The following ADAM9 variants were observed in gnomAD, a reference collection of about 807,000 sequenced individuals.
ADAM9 encodes disintegrin and metalloproteinase domain-containing protein 9.
ADAM9 carries 54 observed loss-of-function variants against 108.1 expected under a neutral mutation model. That is an observed-to-expected ratio of 0.50 (90% CI 0.40 to 0.63). The LOEUF (loss-of-function observed/expected upper bound fraction) is 0.63, where lower values mean the gene tolerates loss of function less well. Among genes scored for constraint, ADAM9 ranks in the 20% least tolerant of loss-of-function variants. ADAM9 has a pLI of 0.00. For synonymous variants in ADAM9, 316 were observed against 336.0 expected (o/e 0.94, Z 0.65); for missense variants, 830 against 997.7 (o/e 0.83, Z 2.26).
At chr8:39,068,353 C>T (rs935023956) in intron 14 of ADAM9, among the ~76,000 whole-genome samples, 1 of 151,892 alleles carries the variant, frequency 6.6e-6, no homozygotes, top group Non-Finnish European at 1.5e-5. Context: ...TTGTGAAGAC[C>T]TTATCTATCT....
chr8:39,046,016 TC>T (rs1459566753), intron 12 of ADAM9, among the ~76,000 whole-genome samples: 4 of 152,112 alleles, frequency 2.6e-5, no homozygotes, highest in Admixed American at 2.6e-4. Flanking sequence ...TTGTATTTCT[TC>T]TTCTGAGGAA....
In ADAM9 at chr8:39,007,872, T is replaced by C; in HGVS notation, c.98-14T>C. ...CAGTTTCACTTATTATATTTGTTTTTGCCTTTTCTGTAGGCTTTCAACAGA... is the reference window on the plus strand; with the variant it reads ...CAGTTTCACTTATTATATTTGTTTTCGCCTTTTCTGTAGGCTTTCAACAGA... On this transcript the variant is annotated splice_polypyrimidine_tract_variant and intron_variant, in intron 1 of 21. Transcript: ENST00000487273. 6.4e-7 allele frequency: 1 copy of C among 1,568,426 alleles called. No homozygotes were observed. Among genetic ancestry groups the C allele is most frequent in the Non-Finnish European group, 8.8e-7 (1 of 1,140,410 alleles).
chr8:39,024,829 C>T (rs551757896), intron 9 of ADAM9, among the ~76,000 whole-genome samples: 9 of 152,016 alleles, frequency 5.9e-5, no homozygotes, highest in East Asian at 1.9e-4. Flanking sequence ...AAAAATAAAA[C>T]GGGAGGGTAG....
chr8:39,057,438 A>G (rs1322031630), intron 14 of ADAM9, among the ~76,000 whole-genome samples: 1 of 151,486 alleles, frequency 6.6e-6, no homozygotes, highest in Admixed American at 6.6e-5. Context: ...AATCTGATAT[A>G]TTAGATTCAT....
Position 39,043,843 on chromosome 8 carries a change from T to G in ADAM9, c.1302+1726T>G, listed in dbSNP as rs760130424. Among the ~76,000 whole-genome samples, 43 of 152,294 alleles carry G rather than the reference T, an allele frequency of 2.8e-4. 1 individual carries two copies. The highest frequency in any genetic ancestry group is 6.2e-4 in the Non-Finnish European group (42 of 68,002). ...ACTCTGTACATCCATGAATACTGAT[T>G]GCTTAGCTCCCACTTATAAGTGAGA... is the stretch of plus-strand genomic sequence containing the variant. On this transcript the variant is annotated intron_variant, in intron 12 of 21. Coordinates refer to ENST00000487273, the MANE Select transcript of ADAM9 (RefSeq NM_003816.3).
At chr8:39,054,077 A>G (rs1374321658) in intron 12 of ADAM9, among the ~76,000 whole-genome samples, 1 of 152,164 alleles carries the variant, frequency 6.6e-6, no homozygotes, top group Non-Finnish European at 1.5e-5. Flanking sequence ...GCACTGAGGA[A>G]GGGCTATGTC....
chr8:39,037,218 C>T (rs1352661177), intron 11 of ADAM9, among the ~76,000 whole-genome samples: 4 of 149,826 alleles, frequency 2.7e-5, no homozygotes, highest in Non-Finnish European at 5.9e-5. Flanking sequence ...CCACTGCGCC[C>T]GGCTAATTTT....
At position 38,997,119 on chromosome 8, in the gene ADAM9, T is replaced by G. The variant is rs1474625148; in HGVS notation, c.56T>G (p.Leu19Trp). ...ACCCTTCGTGTCCGGTGGTTGCTGT[T>G]GCTTGGCCTGGTGGGCCCAGTCCTC... ...SGTLRVRWLL[L>W]LGLVGPVLGA... Residue 19 changes from leucine (L) to tryptophan (W), a missense_variant, in exon 1 of 22, where the codon TTG becomes TGG. Around this residue, in one of 3 missense-constraint regions of ADAM9, gnomAD observed 211 missense variants for 222.2 expected, o/e 0.95. Transcript: ENST00000487273. 7 of 1,604,248 alleles carry G rather than the reference T, an allele frequency of 4.4e-6. No individual in the cohort carries two copies. The African/African-American group carries it at 6.7e-5, about 15-fold the overall frequency.
At chr8:39,071,099 T>C (rs1485177061) in intron 14 of ADAM9, among the ~76,000 whole-genome samples, 199 bp from the exon 15 acceptor site, 1 of 152,150 alleles carries the variant, frequency 6.6e-6, no homozygotes, top group Non-Finnish European at 1.5e-5. Context: ...CAACTTAAGA[T>C]TTATTTTTAC....
intron 16 of ADAM9, among the ~76,000 whole-genome samples, chr8:39,081,290 T>G (rs559582267): frequency 6.6e-6 from 1 of 152,238 alleles, no homozygotes; most frequent in South Asian, 2.1e-4. Context: ...TCAGTTTGAT[T>G]TTTCCCATTC....
chr8:39,049,605 A>AT (rs1399935678), intron 12 of ADAM9, among the ~76,000 whole-genome samples: 1 of 151,654 alleles, frequency 6.6e-6, no homozygotes, highest in Non-Finnish European at 1.5e-5. Flanking sequence ...CGCTTGGCTA[A>AT]TTTTTGTATT....
chr8:39,081,421 C>T (rs768971772), intron 16 of ADAM9, among the ~76,000 whole-genome samples: 4 of 152,138 alleles, frequency 2.6e-5, no homozygotes, highest in Admixed American at 6.5e-5. Flanking sequence ...TTCAGGTGTC[C>T]GCTATGAATC....
chr8:39,044,888 A>G lies in ADAM9; in HGVS notation c.1302+2771A>G, dbSNP rs568996763. Among the ~76,000 whole-genome samples, 185 of 134,142 alleles carry G rather than the reference A, an allele frequency of 1.4e-3. 4 individuals carry two copies. Among genetic ancestry groups the G allele is most frequent in the African/African-American group, 4.8e-3 (135 of 27,964 alleles). The allele number at this position is 134,142 out of a possible 152,430, so 88.0% of individuals were successfully genotyped here. ...TGTGTATACATACATATATATGTAT[A>G]TATATGTGTGTGCACACATACATAT... On this transcript the variant is annotated intron_variant, in intron 12 of 21. Coordinates refer to ENST00000487273, the MANE Select transcript of ADAM9 (RefSeq NM_003816.3).
rs1438267526 is a variant in ADAM9, at chr8:39,019,021, TTAAA to T, written c.672+107_672+110del. The T allele has an allele frequency of 5.2e-6, 6 of 1,145,828 alleles. No homozygotes were observed. The African/African-American group carries it at 7.7e-5, about 15-fold the overall frequency. The allele number at this position is 1,145,828 out of a possible 1,614,324, so 71.0% of individuals were successfully genotyped here. ...TACACATTGTTTGTATTGATTTTAC[TTAAA>T]TAATGATTTTAAAACTAAAATGGTT... On this transcript the variant is annotated intron_variant, in intron 7 of 21. Transcript: ENST00000487273.
chr8:39,088,605 A>G (rs1286812100), intron 18 of ADAM9, among the ~76,000 whole-genome samples: 1 of 152,142 alleles, frequency 6.6e-6, no homozygotes, highest in Non-Finnish European at 1.5e-5. Flanking sequence ...TACAAACTTA[A>G]AATTATGAAT....
intron 12 of ADAM9, among the ~76,000 whole-genome samples, chr8:39,043,582 A>G (rs1286327090): frequency 6.6e-6 from 1 of 152,092 alleles, no homozygotes; most frequent in Non-Finnish European, 1.5e-5. Context: ...TTCATGGAGC[A>G]ATGTCTATTA....
rs1434569007 is a variant in ADAM9 at position 39,086,763 on chromosome 8, C to T, written c.2069-3284C>T. 4.6e-5 allele frequency among the ~76,000 whole-genome samples: 7 copies of T among 152,086 alleles called. No homozygotes were observed. The East Asian group carries it at 5.8e-4, about 13-fold the overall frequency. ...TTGTACTAGTATGTTTGAGTTACGTCGACATAGTTTGATCCTTCTGGGTCT... is the reference window on the plus strand; with the variant it reads ...TTGTACTAGTATGTTTGAGTTACGTTGACATAGTTTGATCCTTCTGGGTCT... On this transcript the variant is annotated intron_variant, in intron 18 of 21. Coordinates refer to ENST00000487273, the MANE Select transcript of ADAM9 (RefSeq NM_003816.3).
chr8:39,092,788 A>G (rs1839396431), intron 20 of ADAM9, among the ~76,000 whole-genome samples: 1 of 152,174 alleles, frequency 6.6e-6, no homozygotes, highest in Non-Finnish European at 1.5e-5. Context: ...ATTTTTGTAT[A>G]TGGTATGAAA....
At chr8:39,020,014 A>G (rs982470585) in intron 7 of ADAM9, among the ~76,000 whole-genome samples, 1 of 152,236 alleles carries the variant, frequency 6.6e-6, no homozygotes, top group Non-Finnish European at 1.5e-5. Flanking sequence ...GGCTGGGCGC[A>G]GTGGCTCACG....
Sources: gnomAD v4.1 joint callset for allele counts (sites outside exome capture counted in the v4.1 genomes callset) on GRCh38, gnomAD v4.1.1 for gene constraint, gnomAD v4.1.1 regional missense constraint, MANE v1.5 for transcripts, NCBI Gene and HGNC (gene_info 2026-07-23, HGNC 2026-07-21) for gene names.